The following RFX7 variants were observed in gnomAD, a reference collection of about 807,000 sequenced individuals.
The protein encoded by RFX7 is regulatory factor X7.
Under a neutral mutation model 111.8 loss-of-function variants are expected in RFX7, and 26 were observed. That is an observed-to-expected ratio of 0.23 (90% confidence interval 0.17 to 0.32). The LOEUF is 0.32. Ranked by LOEUF, RFX7 falls within the 10% of genes least tolerant of loss-of-function variation. The pLI, the probability that RFX7 is intolerant of heterozygous loss-of-function variation, is 1.00. For synonymous variants in RFX7, 624 were observed against 624.4 expected (o/e 1.00, Z 0.01); for missense variants, 1,573 against 1,772.9 (o/e 0.89, Z 2.02).
At chr15:56,235,512 C>T (rs2043613469) in intron 2 of RFX7, among the ~76,000 whole-genome samples, 1 of 152,152 alleles carries the variant, frequency 6.6e-6, no homozygotes, top group Non-Finnish European at 1.5e-5. Context: ...AACAGAAAAA[C>T]ACACAAACCA....
chr15:56,139,949 C>T (rs1168232653), intron 5 of RFX7, among the ~76,000 whole-genome samples: 1 of 152,182 alleles, frequency 6.6e-6, no homozygotes, highest in African/African-American at 2.4e-5. Context: ...GCCAGGGACC[C>T]ACTTGAGGAG....
intron 2 of RFX7, among the ~76,000 whole-genome samples, chr15:56,221,627 G>T (rs2043427533): frequency 6.6e-6 from 1 of 151,896 alleles, no homozygotes; most frequent in African/African-American, 2.4e-5. Context: ...CTCATTTCCT[G>T]TCTTCTTTAT....
chr15:56,118,530 T>A (rs1033162668), intron 5 of RFX7, among the ~76,000 whole-genome samples: 2 of 152,376 alleles, frequency 1.3e-5, no homozygotes, highest in Middle Eastern at 3.4e-3. Context: ...GATCTCATTC[T>A]ATTTTTATGG....
At position 56,087,837 on chromosome 15, in the gene RFX7, T is replaced by TA. The variant is rs560342163; in HGVS notation, c.*5507dup. The TA allele has an allele frequency of 5.1e-4, 147 of 287,886 alleles. No homozygotes were observed. The highest frequency in any genetic ancestry group is 1.3e-3 in the Middle Eastern group (1 of 796). The allele number at this position is 287,886 out of a possible 1,614,324, so 17.8% of individuals were successfully genotyped here. A position where few individuals can be genotyped will look rare whatever the true frequency, so the allele number is the denominator to read the frequency against. On this transcript the variant is annotated 3_prime_UTR_variant, in exon 10 of 10. Transcript: ENST00000559447. ...ATATTTTAGGCACTTTATCATCTGT[T>TA]AAAAAAAAAGTCCCATTTTTATTTT...
intron 2 of RFX7, among the ~76,000 whole-genome samples, chr15:56,182,613 T>C (rs2042986331): frequency 6.6e-6 from 1 of 152,198 alleles, no homozygotes; most frequent in African/African-American, 2.4e-5. Flanking sequence ...ACTGTACTTT[T>C]CTACAATTTT....
chr15:56,192,129 A>G (rs1242190286), intron 2 of RFX7, among the ~76,000 whole-genome samples: 1 of 152,192 alleles, frequency 6.6e-6, no homozygotes, highest in South Asian at 2.1e-4. Flanking sequence ...ATACACAGAA[A>G]TAAACAGACT....
At chr15:56,178,331 T>C (rs2042926796) in intron 3 of RFX7, among the ~76,000 whole-genome samples, 1 of 151,996 alleles carries the variant, frequency 6.6e-6, no homozygotes, top group Non-Finnish European at 1.5e-5. Context: ...TCCTATAAAC[T>C]ATTCCTATGT....
rs1357270643 is a variant in RFX7, at chr15:56,155,104, ATCAT to A, written c.196-10625_196-10622del. On this transcript the variant is annotated intron_variant, in intron 3 of 9. Coordinates refer to ENST00000559447, the MANE Select transcript of RFX7 (RefSeq NM_022841.7). ...CCATCTCACGGCAGTTAGAATGGCG[ATCAT>A]TAAAAAGTCAGGAAACAACAGATTC... Among the ~76,000 whole-genome samples the A allele has an allele frequency of 3.9e-5, 6 of 152,342 alleles. No individual in the cohort carries two copies. In the East Asian group the frequency reaches 1.2e-3, roughly 29 times the overall value.
intron 2 of RFX7, among the ~76,000 whole-genome samples, chr15:56,184,193 ATTTTTTT>A (rs35880948): frequency 0.011 from 924 of 80,730 alleles, 13 homozygotes; most frequent in African/African-American, 0.041. Flanking sequence ...CTAATTTTGT[ATTTTTTT>A]TTTTTTTTTT....
intron 5 of RFX7, among the ~76,000 whole-genome samples, chr15:56,135,853 T>C (rs368173741): frequency 3.3e-5 from 5 of 152,112 alleles, no homozygotes; most frequent in East Asian, 1.9e-4. Context: ...GTTTTCCCAG[T>C]ACCATTTATT....
At chr15:56,161,702 C>T (rs919721193) in intron 3 of RFX7, among the ~76,000 whole-genome samples, 1 of 151,954 alleles carries the variant, frequency 6.6e-6, no homozygotes, top group Non-Finnish European at 1.5e-5. Flanking sequence ...TAATGAATAA[C>T]ACGGTAGAAA....
At chr15:56,208,298 C>T (rs2043276255) in intron 2 of RFX7, among the ~76,000 whole-genome samples, 1 of 152,140 alleles carries the variant, frequency 6.6e-6, no homozygotes, top group African/African-American at 2.4e-5. Flanking sequence ...AAACCCAACT[C>T]CAGACCAGTC....
chr15:56,093,560 G>T lies in RFX7; in HGVS notation c.4168C>A (p.Leu1390Ile), dbSNP rs1272974410. 2 of 1,613,732 alleles carry T rather than the reference G, an allele frequency of 1.2e-6. No homozygotes were observed. The highest frequency in any genetic ancestry group is 2.2e-5 in the South Asian group (2 of 91,052). The change falls in exon 10 of 10, where the codon CTC becomes ATC. Residue 1390 changes from leucine (L) to isoleucine (I), a missense_variant. Around this residue, in one of 7 missense-constraint regions of RFX7, gnomAD observed 411 missense variants for 478.1 expected, o/e 0.86. Coordinates refer to ENST00000559447, the MANE Select transcript of RFX7 (RefSeq NM_022841.7). ...FSSDIRLSSELSGSINDLNTL... is the reference protein window; with the variant it reads ...FSSDIRLSSEISGSINDLNTL... Reference sequence around the variant, plus strand: ...TTCAAATCATTGATGCTGCCTGAGAGCTCAGAAGACAACCTGATATCGCTA... The same window carrying T: ...TTCAAATCATTGATGCTGCCTGAGATCTCAGAAGACAACCTGATATCGCTA...
rs571716753 is a variant in RFX7, at chr15:56,110,408, C to T, written c.402-6738G>A. On this transcript the variant is annotated intron_variant, in intron 5 of 9. Transcript: ENST00000559447. ...CCCCCGCCCGGCCAGCCGCCCCGTC[C>T]GGGGGAGGGGGGGTCAGCCCCCCGC... Among the ~76,000 whole-genome samples, 21 of 84,694 alleles carry T rather than the reference C, an allele frequency of 2.5e-4. 1 individual carries two copies. In the East Asian group the frequency reaches 6.6e-3, roughly 27 times the overall value. The allele number at this position is 84,694 out of a possible 152,430, so 55.6% of individuals were successfully genotyped here. A position where few individuals can be genotyped will look rare whatever the true frequency, so the allele number is the denominator to read the frequency against.
At chr15:56,172,119 A>C (rs1465702538) in intron 3 of RFX7, among the ~76,000 whole-genome samples, 1 of 152,164 alleles carries the variant, frequency 6.6e-6, no homozygotes, top group Non-Finnish European at 1.5e-5. Flanking sequence ...TGGTCAACAG[A>C]GTGAACTGAA....
chr15:56,231,708 T>C (rs2043559880), intron 2 of RFX7, among the ~76,000 whole-genome samples: 2 of 152,294 alleles, frequency 1.3e-5, no homozygotes, highest in South Asian at 4.1e-4. Flanking sequence ...TCTTAACTCA[T>C]TTTGGCATTA....
intron 3 of RFX7, among the ~76,000 whole-genome samples, chr15:56,145,274 A>G (rs942465341): frequency 1.3e-5 from 2 of 152,238 alleles, no homozygotes; most frequent in Non-Finnish European, 2.9e-5. Flanking sequence ...CTGGTAGCCT[A>G]ATCTAAGCAA....
chr15:56,178,166 TACACACACACACAC>T (rs140828561), intron 3 of RFX7, among the ~76,000 whole-genome samples: 73 of 119,678 alleles, frequency 6.1e-4, no homozygotes, highest in Admixed American at 9.3e-4. Flanking sequence ...ACCAAAAAAC[TACACACACACACAC>T]ACACACACAC....
At chr15:56,200,836 C>A (rs1020669253) in intron 2 of RFX7, among the ~76,000 whole-genome samples, 2 of 151,578 alleles carry the variant, frequency 1.3e-5, no homozygotes, top group African/African-American at 4.8e-5. Flanking sequence ...TAAGGCAGAT[C>A]TTTAAATTGA....
Sources: gnomAD v4.1 joint callset for allele counts (sites outside exome capture counted in the v4.1 genomes callset) on GRCh38, gnomAD v4.1.1 for gene constraint, gnomAD v4.1.1 regional missense constraint, MANE v1.5 for transcripts, NCBI Gene and HGNC (gene_info 2026-07-23, HGNC 2026-07-21) for gene names.